AAGAB: variants seen among roughly 807,000 people sequenced by gnomAD.
The protein encoded by AAGAB is alpha and gamma adaptin binding protein, also known as alpha- and gamma-adaptin-binding protein p34.
In AAGAB, 38 loss-of-function variants were observed where a neutral mutation model predicts 44.1. The observed-to-expected ratio is 0.86, with a 90% CI of 0.67 to 1.13. The LOEUF (loss-of-function observed/expected upper bound fraction) is 1.13, where lower values mean the gene tolerates loss of function less well. AAGAB is among the 50% of genes most tolerant of loss of function. The pLI is 0.00. For synonymous variants in AAGAB, 131 were observed against 131.8 expected, an observed-to-expected ratio of 0.99 and a Z score of 0.04; for missense variants, 450 against 373.8, an observed-to-expected ratio of 1.20 and a Z score of -1.68.
rs958247068 is a variant in AAGAB, at chr15:67,222,227, C to T, written c.535+9587G>A. ...GAACTGATTACTACATGCATGCACGCGCACGCGCGCGCGCGCACACACACA... is the reference window on the plus strand; with the variant it reads ...GAACTGATTACTACATGCATGCACGTGCACGCGCGCGCGCGCACACACACA... On this transcript the variant is annotated intron_variant, in intron 5 of 9. Coordinates refer to ENST00000261880, the MANE Select transcript of AAGAB (RefSeq NM_024666.5). 1.8e-4 allele frequency among the ~76,000 whole-genome samples: 20 copies of T among 111,718 alleles called. 1 individual carries two copies. Among genetic ancestry groups the T allele is most frequent in the East Asian group, 5.3e-4 (2 of 3,796 alleles). The allele number at this position is 111,718 out of a possible 152,430, so 73.3% of individuals were successfully genotyped here. A position where few individuals can be genotyped will look rare whatever the true frequency, so the allele number is the denominator to read the frequency against.
intron 7 of AAGAB, among the ~76,000 whole-genome samples, 160 bp from the exon 8 acceptor site, chr15:67,204,308 T>C (rs984315644): frequency 6.6e-6 from 1 of 152,230 alleles, no homozygotes; most frequent in Admixed American, 6.5e-5. Context: ...TGGCTGCTAG[T>C]GGGCCCTCAC....
Position 67,208,550 on chromosome 15 carries a change from G to A in AAGAB, c.715+12C>T, listed in dbSNP as rs989531679. 3.1e-6 allele frequency: 5 copies of A among 1,611,298 alleles called. No individual in the cohort carries two copies. The African/African-American group carries it at 4.0e-5, about 13-fold the overall frequency. On this transcript the variant is annotated intron_variant, in intron 7 of 9. Transcript: ENST00000261880. ...ACAAAGCTCTCTCTTGGCAGCCAAA[G>A]GAGGAACTTACCCACAATGCTATCA...
At chr15:67,222,493 C>T (rs1047584149) in intron 5 of AAGAB, among the ~76,000 whole-genome samples, 6 of 152,138 alleles carry the variant, frequency 3.9e-5, no homozygotes, top group African/African-American at 1.4e-4. Flanking sequence ...TGGCCTCCTA[C>T]TTCACTGAGA....
chr15:67,205,698 G>A (rs1963669320), intron 7 of AAGAB, among the ~76,000 whole-genome samples: 1 of 152,206 alleles, frequency 6.6e-6, no homozygotes, highest in Admixed American at 6.5e-5. Flanking sequence ...TAGCGGCATG[G>A]AGGTCATTGC....
At chr15:67,213,835 T>C (rs1342926236) in intron 5 of AAGAB, among the ~76,000 whole-genome samples, 3 of 152,264 alleles carry the variant, frequency 2.0e-5, no homozygotes, top group Non-Finnish European at 4.4e-5. Flanking sequence ...ACTTACAATG[T>C]TTCTTTAATC....
Position 67,203,605 on chromosome 15 carries a change from GA to G in AAGAB, c.821-9del, listed in dbSNP as rs1240320921. On this transcript the variant is annotated splice_polypyrimidine_tract_variant and intron_variant, in intron 8 of 9. Coordinates refer to ENST00000261880, the MANE Select transcript of AAGAB (RefSeq NM_024666.5). ...GAAGCGTCGCAGCCTTGTCTAGGGG[GA>G]AAATATATCTTAAGAAATTTGTCTA... 3.1e-6 allele frequency: 5 copies of G among 1,612,754 alleles called. No homozygotes were observed. The highest frequency in any genetic ancestry group is 4.2e-6 in the Non-Finnish European group (5 of 1,179,508).
upstream of AAGAB, chr15:67,254,715 C>G (rs939658757): frequency 3.2e-5 from 46 of 1,424,994 alleles, no homozygotes; most frequent in Non-Finnish European, 5.8e-6. Flanking sequence ...GGGAGACAGG[C>G]CGGAGAGGGC....
At chr15:67,226,282 T>A (rs904687493) in intron 5 of AAGAB, among the ~76,000 whole-genome samples, 4 of 152,042 alleles carry the variant, frequency 2.6e-5, no homozygotes, top group African/African-American at 7.2e-5. Flanking sequence ...ACAGGTCCGG[T>A]TGATTTTTAG....
intron 1 of AAGAB, among the ~76,000 whole-genome samples, chr15:67,250,509 G>C (rs142833776): frequency 8.5e-5 from 13 of 152,238 alleles, no homozygotes; most frequent in African/African-American, 3.1e-4. Context: ...TTCCTCTCAA[G>C]GGCAGGAACA....
At chr15:67,208,693 T>C in intron 6 of AAGAB, 35 bp from the exon 7 acceptor site, 1 of 1,587,852 alleles carries the variant, frequency 6.3e-7, no homozygotes, top group Admixed American at 1.7e-5. Context: ...AACAATTTAA[T>C]CGTAGTCTAT....
chr15:67,214,092 A>C (rs1220494822), intron 5 of AAGAB, among the ~76,000 whole-genome samples: 1 of 152,248 alleles, frequency 6.6e-6, no homozygotes, highest in African/African-American at 2.4e-5. Flanking sequence ...ACATGTAAAG[A>C]GTTGAGACAT....
At chr15:67,251,293 G>T (rs1400442721) in intron 1 of AAGAB, among the ~76,000 whole-genome samples, 1 of 151,926 alleles carries the variant, frequency 6.6e-6, no homozygotes, top group Non-Finnish European at 1.5e-5. Flanking sequence ...ACCTAGGCTG[G>T]AGGGCAGTAG....
chr15:67,203,810 AC>A (rs1215198288), intron 8 of AAGAB, among the ~76,000 whole-genome samples: 5 of 152,250 alleles, frequency 3.3e-5, no homozygotes, highest in African/African-American at 1.2e-4. Context: ...CTTATGTAAC[AC>A]ATTGAAAGAA....
Position 67,208,323 on chromosome 15 carries a change from T to G in AAGAB, c.715+239A>C, listed in dbSNP as rs547214794. ...GTTCGGTCTGCCTTGGCTAAGATTA[T>G]CTGAATCAAGATCCTGCTAGGAGAA... On this transcript the variant is annotated intron_variant, in intron 7 of 9. Coordinates refer to ENST00000261880, the MANE Select transcript of AAGAB (RefSeq NM_024666.5). Among the ~76,000 whole-genome samples the G allele has an allele frequency of 1.1e-4, 16 of 152,364 alleles. No homozygotes were observed. The East Asian group carries it at 2.7e-3, about 26-fold the overall frequency.
intron 5 of AAGAB, among the ~76,000 whole-genome samples, chr15:67,211,795 C>T (rs1198684358): frequency 6.6e-6 from 1 of 152,186 alleles, no homozygotes; most frequent in African/African-American, 2.4e-5. Context: ...CTAAACTTGG[C>T]AGGCCAGAGT....
chr15:67,229,602 G>A (rs1318068072), intron 5 of AAGAB, among the ~76,000 whole-genome samples: 2 of 152,152 alleles, frequency 1.3e-5, no homozygotes, highest in East Asian at 3.9e-4. Context: ...GGAGGAAGGA[G>A]GATGGAGAGA....
intron 7 of AAGAB, among the ~76,000 whole-genome samples, chr15:67,207,863 TTCTTCA>T (rs1325796532): frequency 6.6e-6 from 1 of 152,208 alleles, no homozygotes; most frequent in Admixed American, 6.5e-5. Context: ...TTTTTTCTTC[TTCTTCA>T]TATGTTTCTA....
chr15:67,226,573 A>G (rs1431435471), intron 5 of AAGAB: 1 of 152,254 alleles, frequency 6.6e-6, no homozygotes, highest in African/African-American at 2.4e-5. Flanking sequence ...GCTGATCCTC[A>G]TAAGATACAT....
chr15:67,204,018 A>T, intron 8 of AAGAB, 26 bp downstream of exon 8: 1 of 1,372,858 alleles, frequency 7.3e-7, no homozygotes, highest in Non-Finnish European at 1.0e-6. Flanking sequence ...ACATGGGAAC[A>T]TATTAGACAC....
Sources: allele counts gnomAD v4.1 joint callset (sites outside exome capture counted in the v4.1 genomes callset), GRCh38; gene constraint gnomAD v4.1.1; transcripts MANE v1.5; gene names NCBI Gene and HGNC (gene_info 2026-07-23, HGNC 2026-07-21).